ARMC2: variants seen among roughly 807,000 people sequenced by gnomAD.
ARMC2 encodes armadillo repeat-containing protein 2.
ARMC2 carries 67 observed loss-of-function variants against 90.3 expected under a neutral mutation model. The ratio of observed to expected loss-of-function variants is 0.74; its 90% CI spans 0.61 to 0.91. The LOEUF (loss-of-function observed/expected upper bound fraction) is 0.91, where lower values mean the gene tolerates loss of function less well. ARMC2 is among the 40% of genes least tolerant of loss of function. The pLI, the probability that ARMC2 is intolerant of heterozygous loss-of-function variation, is 0.00. For missense variants in ARMC2, 920 were observed against 1,030.9 expected, an observed-to-expected ratio of 0.89 and a Z score of 1.47; for synonymous variants, 393 against 393.0, an observed-to-expected ratio of 1.00 and a Z score of 0.00.
chr6:108,992,282 A>G, the ARMC2 span, among the ~76,000 whole-genome samples: 1 of 151,650 alleles, frequency 6.6e-6, no homozygotes. Context: ...TTTATTTTTT[A>G]TTTTTATTTT....
the ARMC2 span, chr6:108,987,754 C>CTG: frequency 2.0e-6 from 1 of 490,152 alleles, no homozygotes; most frequent in South Asian, 3.4e-5. Context: ...TACAGCATAA[C>CTG]TTAGCCTTGG....
chr6:109,010,359 C>T, the ARMC2 span, among the ~76,000 whole-genome samples: 1 of 152,182 alleles, frequency 6.6e-6, no homozygotes, highest in Non-Finnish European at 1.5e-5. Context: ...ACTCTATTCT[C>T]TCTCTTTAAA....
chr6:108,887,686 A>G (rs980847156), intron 5 of ARMC2, among the ~76,000 whole-genome samples: 1 of 152,260 alleles, frequency 6.6e-6, no homozygotes, highest in South Asian at 2.1e-4. Flanking sequence ...AAGATATCAT[A>G]AAGAACAAAA....
intron 3 of ARMC2, among the ~76,000 whole-genome samples, chr6:108,864,395 C>G (rs936354592): frequency 3.3e-5 from 5 of 151,686 alleles, no homozygotes; most frequent in Admixed American, 2.0e-4. Flanking sequence ...ACTACAGGCG[C>G]CCACCACCAT....
At chr6:108,937,684 A>G (rs886800723) in intron 12 of ARMC2, among the ~76,000 whole-genome samples, 3 of 152,110 alleles carry the variant, frequency 2.0e-5, no homozygotes, top group Non-Finnish European at 4.4e-5. Flanking sequence ...TCATACAGAC[A>G]TTATTTTTAT....
chr6:108,967,162 C>G (rs1166063133), intron 17 of ARMC2, among the ~76,000 whole-genome samples: 1 of 152,208 alleles, frequency 6.6e-6, no homozygotes, highest in Non-Finnish European at 1.5e-5. Context: ...TCAGCTACCT[C>G]CAGGCTTCCA....
chr6:108,975,320 G>A (rs144113559), downstream of ARMC2, among the ~76,000 whole-genome samples: 15 of 152,086 alleles, frequency 9.9e-5, no homozygotes, highest in African/African-American at 3.6e-4. Context: ...CCATGTCCCT[G>A]CAAAGGACAT....
chr6:108,998,568 G>T, the ARMC2 span: 2 of 1,613,914 alleles, frequency 1.2e-6, no homozygotes, highest in Non-Finnish European at 1.7e-6. Context: ...ATTGCCATTT[G>T]TAATGTCACA....
At chr6:109,050,223 G>A in the ARMC2 span, among the ~76,000 whole-genome samples, 1 of 152,034 alleles carries the variant, frequency 6.6e-6, no homozygotes, top group Non-Finnish European at 1.5e-5. Flanking sequence ...GCAATAACTG[G>A]CCCAACTCAG....
rs1240327573 is a variant in ARMC2 at position 108,895,399 on chromosome 6, A to T, written c.748+856A>T. On this transcript the variant is annotated intron_variant, in intron 6 of 17. Transcript: ENST00000392644. The stretch of plus-strand genomic sequence containing the variant: ...CTTGGGAGGCTGAGGCAGCAGAATC[A>T]CTTGAACCCAGGAGATGGAGTTTGC... Among the ~76,000 whole-genome samples, 3 of 149,278 alleles carry T rather than the reference A, an allele frequency of 2.0e-5. No individual in the cohort carries two copies. The Admixed American group carries it at 2.0e-4, about 10-fold the overall frequency.
At chr6:109,035,153 C>T in the ARMC2 span, among the ~76,000 whole-genome samples, 2 of 152,048 alleles carry the variant, frequency 1.3e-5, no homozygotes, top group Non-Finnish European at 2.9e-5. Flanking sequence ...TGTCTTTTAC[C>T]CCCAACCACT....
At position 108,970,494 on chromosome 6, in the gene ARMC2, CTTTTTTT is replaced by C. The variant is rs1156823883; in HGVS notation, c.2447-2848_2447-2842del. Among the ~76,000 whole-genome samples the C allele has an allele frequency of 9.6e-4, 113 of 117,356 alleles. 1 individual carries two copies. Among genetic ancestry groups the C allele is most frequent in the Admixed American group, 8.8e-4 (9 of 10,262 alleles). 77.0% of individuals were successfully genotyped at this position (117,356 alleles called of 152,430 possible). Reference sequence around the variant, plus strand: ...CTTTCTTTTCTTTTTCTTCTCTTTTCTTTTTTTTTTTTTTTTTTTTTGAGACAGAGTC... The same window carrying C: ...CTTTCTTTTCTTTTTCTTCTCTTTTCTTTTTTTTTTTTTTGAGACAGAGTC... On this transcript the variant is annotated intron_variant, in intron 17 of 17. Coordinates refer to ENST00000392644, the MANE Select transcript of ARMC2 (RefSeq NM_032131.6).
chr6:108,985,333 C>A, the ARMC2 span, among the ~76,000 whole-genome samples: 14 of 152,182 alleles, frequency 9.2e-5, no homozygotes, highest in African/African-American at 3.4e-4. Context: ...AACCAGAAAT[C>A]TTCTCATGAT....
At position 108,904,291 on chromosome 6, in the gene ARMC2, A is replaced by C; in HGVS notation, c.909A>C (p.Gly303=). 6.2e-7 allele frequency: 1 copy of C among 1,613,940 alleles called. No individual in the cohort carries two copies. Among genetic ancestry groups the C allele is most frequent in the African/African-American group, 1.3e-5 (1 of 75,062 alleles). The change falls in exon 8 of 18, where the codon GGA becomes GGC. Residue 303 remains glycine, a synonymous_variant. Transcript: ENST00000392644. ...CTQLHHALEE[G]NMLGNKFKGR... The stretch of plus-strand genomic sequence containing the variant: ...AACTTCATCATGCTTTAGAGGAAGG[A>C]AACATGCTTGGAAATAAATTTAAGG...
intron 13 of ARMC2, among the ~76,000 whole-genome samples, chr6:108,957,654 C>T (rs1777697551): frequency 1.3e-5 from 2 of 152,178 alleles, no homozygotes; most frequent in Non-Finnish European, 2.9e-5. Flanking sequence ...TAGCCCTGCA[C>T]CCTTCACAAG....
chr6:108,954,153 C>A (rs1777396916), intron 13 of ARMC2, among the ~76,000 whole-genome samples: 1 of 152,184 alleles, frequency 6.6e-6, no homozygotes, highest in Non-Finnish European at 1.5e-5. Context: ...TGCTGTATCT[C>A]TTCAAAGTCT....
chr6:109,034,352 T>C, the ARMC2 span, among the ~76,000 whole-genome samples: 1 of 152,234 alleles, frequency 6.6e-6, no homozygotes, highest in African/African-American at 2.4e-5. Context: ...TATCTGTAAA[T>C]AATTTAGTGT....
chr6:108,967,199 T>C (rs1029277406), intron 17 of ARMC2, among the ~76,000 whole-genome samples: 1 of 152,212 alleles, frequency 6.6e-6, no homozygotes, highest in Non-Finnish European at 1.5e-5. Context: ...TGTCTGTCTG[T>C]TGCCAGGGCA....
At chr6:108,879,247 T>G (rs771840822) in intron 5 of ARMC2, among the ~76,000 whole-genome samples, 18 of 150,662 alleles carry the variant, frequency 1.2e-4, no homozygotes, top group Non-Finnish European at 2.5e-4. Context: ...CATCCACCCA[T>G]TCACCCATCC....
Sources: allele counts gnomAD v4.1 joint callset (sites outside exome capture counted in the v4.1 genomes callset), GRCh38; gene constraint gnomAD v4.1.1; transcripts MANE v1.5; gene names NCBI Gene and HGNC (gene_info 2026-07-23, HGNC 2026-07-21).